The following DIS3L2 variants were observed in gnomAD, a reference collection of about 807,000 sequenced individuals.
DIS3L2 encodes DIS3 like 3'-5' exoribonuclease 2, also known as DIS3-like exonuclease 2.
DIS3L2 carries 34 observed loss-of-function variants against 97.5 expected under a neutral mutation model. That is an observed-to-expected ratio of 0.35 (90% confidence interval 0.27 to 0.46). DIS3L2 has a LOEUF of 0.46. DIS3L2 is among the 20% of genes least tolerant of loss of function. The pLI is 1.00. For synonymous variants in DIS3L2, 435 were observed against 445.2 expected, an observed-to-expected ratio of 0.98 and a Z score of 0.29; for missense variants, 1,038 against 1,146.0, an observed-to-expected ratio of 0.91 and a Z score of 1.36.
At chr2:232,264,871 A>T (rs1693813663) in intron 13 of DIS3L2, among the ~76,000 whole-genome samples, 2 of 152,224 alleles carry the variant, frequency 1.3e-5, no homozygotes, top group Admixed American at 6.5e-5. Context: ...TGGCAGAGTC[A>T]GGGTAGCCTC....
At chr2:232,256,397 T>TCAAGCCTCTGC (rs1187920544) in intron 12 of DIS3L2, among the ~76,000 whole-genome samples, 2 of 152,216 alleles carry the variant, frequency 1.3e-5, no homozygotes, top group African/African-American at 4.8e-5. Flanking sequence ...CTCATATCCT[T>TCAAGCCTCTGC]CAAGCCTCTG....
At chr2:232,192,598 C>G (rs1348183492) in intron 9 of DIS3L2, among the ~76,000 whole-genome samples, 1 of 152,194 alleles carries the variant, frequency 6.6e-6, no homozygotes, top group African/African-American at 2.4e-5. Context: ...TTTTAAACTT[C>G]TAGAAAGTCG....
At chr2:231,967,569 G>T (rs1281010678) in intron 1 of DIS3L2, among the ~76,000 whole-genome samples, 1 of 152,030 alleles carries the variant, frequency 6.6e-6, no homozygotes, top group Admixed American at 6.5e-5. Context: ...TATTATTTTT[G>T]TTTAATCCTT....
At chr2:232,107,592 A>C (rs1697390212) in intron 6 of DIS3L2, among the ~76,000 whole-genome samples, 1 of 152,150 alleles carries the variant, frequency 6.6e-6, no homozygotes, top group African/African-American at 2.4e-5. Context: ...CCAGCTATTC[A>C]GGAGGCTGAA....
intron 11 of DIS3L2, among the ~76,000 whole-genome samples, chr2:232,241,908 T>C (rs1283838761): frequency 1.3e-5 from 2 of 152,250 alleles, no homozygotes; most frequent in African/African-American, 4.8e-5. Flanking sequence ...TCATGTTATT[T>C]TAGGTGCGAA....
In DIS3L2 at chr2:232,293,481, G is replaced by A. The variant is rs1244370384; in HGVS notation, c.1660-6559G>A. 6.6e-6 allele frequency among the ~76,000 whole-genome samples: 1 copy of A among 152,148 alleles called. No homozygotes were observed. Among genetic ancestry groups the A allele is most frequent in the Non-Finnish European group, 1.5e-5 (1 of 68,020 alleles). On this transcript the variant is annotated intron_variant, in intron 13 of 20. Coordinates refer to ENST00000325385, the MANE Select transcript of DIS3L2 (RefSeq NM_152383.5). This position sits in a 1 kb window ranked among gnomAD's most constrained non-coding sequence, Gnocchi z 4.6. ...TTGACAGAGGAGGGACAGGCAGGAAGGGCTCCCCTGGAAGCAGGTGGAGCA... is the reference window on the plus strand; with the variant it reads ...TTGACAGAGGAGGGACAGGCAGGAAAGGCTCCCCTGGAAGCAGGTGGAGCA...
intron 1 of DIS3L2, among the ~76,000 whole-genome samples, chr2:231,964,661 G>A (rs1349574238): frequency 2.6e-5 from 4 of 152,156 alleles, no homozygotes; most frequent in Non-Finnish European, 5.9e-5. Context: ...AAATGTGGGA[G>A]TTTCTATATC....
At chr2:232,103,231 C>A (rs1225634592) in intron 6 of DIS3L2, among the ~76,000 whole-genome samples, 2 of 151,972 alleles carry the variant, frequency 1.3e-5, no homozygotes, top group East Asian at 3.8e-4. Context: ...TAATTTTGTA[C>A]CTTTTATTTA....
intron 14 of DIS3L2, among the ~76,000 whole-genome samples, chr2:232,326,259 G>A (rs892518959): frequency 1.2e-4 from 19 of 152,272 alleles, no homozygotes; most frequent in East Asian, 5.8e-4. Flanking sequence ...TGTGCTGGCC[G>A]CAGATGAGAG....
intron 12 of DIS3L2, among the ~76,000 whole-genome samples, chr2:232,254,739 C>T (rs1276824853): frequency 6.6e-6 from 1 of 152,160 alleles, no homozygotes; most frequent in Non-Finnish European, 1.5e-5. Context: ...CAGTTGGCCT[C>T]TGGGGTTTCT....
rs528488876 is a variant in DIS3L2, at chr2:232,269,317, A to C, written c.1659+5877A>C. The stretch of plus-strand genomic sequence containing the variant: ...AGCTCTGCTGTTTAATATTTGTACC[A>C]TATATTTGATCCAAGGTAGGAAGGA... On this transcript the variant is annotated intron_variant, in intron 13 of 20. Transcript: ENST00000325385. This position sits in a 1 kb window ranked among gnomAD's most constrained non-coding sequence, Gnocchi z 4.5. 6.6e-6 allele frequency among the ~76,000 whole-genome samples: 1 copy of C among 152,188 alleles called. No individual in the cohort carries two copies. The highest frequency in any genetic ancestry group is 6.5e-5 in the Admixed American group (1 of 15,302).
chr2:232,007,318 A>T (rs537640533), intron 1 of DIS3L2, among the ~76,000 whole-genome samples: 7 of 152,314 alleles, frequency 4.6e-5, no homozygotes, highest in African/African-American at 1.7e-4. Context: ...GAGTGAGTCC[A>T]TATAGGAGAG....
intron 10 of DIS3L2, among the ~76,000 whole-genome samples, chr2:232,215,731 C>T (rs1692314839): frequency 6.6e-6 from 1 of 152,146 alleles, no homozygotes; most frequent in Non-Finnish European, 1.5e-5. Context: ...GCCAGAAATT[C>T]TTGTGTCCCC....
intron 14 of DIS3L2, among the ~76,000 whole-genome samples, chr2:232,311,254 A>G (rs569888095): frequency 1.3e-5 from 2 of 152,370 alleles, no homozygotes; most frequent in East Asian, 3.9e-4. Flanking sequence ...CTCAGCATAT[A>G]GTGTGACTTA....
downstream of DIS3L2, among the ~76,000 whole-genome samples, chr2:232,338,365 G>C (rs1445270886): frequency 8.5e-5 from 13 of 152,202 alleles, no homozygotes; most frequent in Non-Finnish European, 1.9e-4. Context: ...AGTAGCCAGG[G>C]GGGTGAACAA....
chr2:232,044,681 A>G (rs1242668971), intron 5 of DIS3L2, among the ~76,000 whole-genome samples: 1 of 152,206 alleles, frequency 6.6e-6, no homozygotes, highest in Non-Finnish European at 1.5e-5. Flanking sequence ...ACTTGAATAA[A>G]TGGACATTTT....
chr2:232,041,297 A>G (rs979689549), intron 5 of DIS3L2, among the ~76,000 whole-genome samples: 2 of 152,236 alleles, frequency 1.3e-5, no homozygotes, highest in African/African-American at 4.8e-5. Context: ...ACTCAATGGC[A>G]GCAGATCCCA....
chr2:232,043,206 T>C (rs549203354), intron 5 of DIS3L2, among the ~76,000 whole-genome samples: 8 of 152,222 alleles, frequency 5.3e-5, no homozygotes, highest in Non-Finnish European at 1.0e-4. Context: ...TTATCTTTAC[T>C]CCAAAGCTCA....
chr2:232,074,407 C>T (rs1696123804), intron 5 of DIS3L2, among the ~76,000 whole-genome samples: 1 of 152,016 alleles, frequency 6.6e-6, no homozygotes, highest in African/African-American at 2.4e-5. Flanking sequence ...TTCTCATTCT[C>T]TTCAGAAGAA....
Sources: allele counts gnomAD v4.1 joint callset (sites outside exome capture counted in the v4.1 genomes callset), GRCh38; gene constraint gnomAD v4.1.1; non-coding constraint Gnocchi (gnomAD v3.1); transcripts MANE v1.5; gene names NCBI Gene and HGNC (gene_info 2026-07-23, HGNC 2026-07-21).